Variants in GABBR2 observed in about 807,000 individuals in gnomAD.
The protein encoded by GABBR2 is gamma-aminobutyric acid type B receptor subunit 2.
Under a neutral mutation model 105.6 loss-of-function variants are expected in GABBR2, and 23 were observed. The ratio of observed to expected loss-of-function variants is 0.22; its 90% CI spans 0.16 to 0.31. GABBR2 has a LOEUF of 0.31. Among genes scored for constraint, GABBR2 ranks in the 10% least tolerant of loss-of-function variants. The pLI is 1.00. For missense variants in GABBR2, 734 were observed against 1,245.5 expected (o/e 0.59, Z 6.18); for synonymous variants, 478 against 499.7 (o/e 0.96, Z 0.58).
intron 4 of GABBR2, among the ~76,000 whole-genome samples, chr9:98,483,943 CAT>C (rs1171247636): frequency 2.6e-5 from 4 of 152,212 alleles, no homozygotes; most frequent in Admixed American, 6.5e-5. Context: ...GGGCGCTACA[CAT>C]ATGTCAACAA....
intron 7 of GABBR2, among the ~76,000 whole-genome samples, chr9:98,421,415 AG>A (rs1832780894): frequency 6.6e-6 from 1 of 152,246 alleles, no homozygotes; most frequent in Admixed American, 6.5e-5. Context: ...CTATTCCATT[AG>A]TAAGGAACTG....
At chr9:98,351,330 T>C (rs183925114) in intron 13 of GABBR2, among the ~76,000 whole-genome samples, 2 of 152,354 alleles carry the variant, frequency 1.3e-5, no homozygotes, top group East Asian at 3.9e-4. Context: ...TCCTCTTTTA[T>C]TATTTACCTT....
chr9:98,407,533 G>C (rs182454843), intron 7 of GABBR2, among the ~76,000 whole-genome samples: 1 of 152,116 alleles, frequency 6.6e-6, no homozygotes, highest in African/African-American at 2.4e-5. Context: ...TTTTTATTTC[G>C]AGGGACAATT....
At chr9:98,576,180 T>A (rs1828904957) in intron 2 of GABBR2, among the ~76,000 whole-genome samples, 1 of 152,192 alleles carries the variant, frequency 6.6e-6, no homozygotes, top group African/African-American at 2.4e-5. Context: ...CCTCAGCCAG[T>A]GCAAGTGGAA....
intron 1 of GABBR2, among the ~76,000 whole-genome samples, chr9:98,604,246 C>A (rs907201282): frequency 3.9e-5 from 6 of 152,214 alleles, no homozygotes; most frequent in Admixed American, 2.0e-4. Context: ...ATTTTCCTGC[C>A]AAGGAGCTTT....
At position 98,318,757 on chromosome 9, in the gene GABBR2, A is replaced by G. The variant is rs201660553; in HGVS notation, c.1894-7552T>C. Among the ~76,000 whole-genome samples the G allele has an allele frequency of 4.6e-5, 7 of 152,296 alleles. No homozygotes were observed. In the East Asian group the frequency reaches 1.4e-3, roughly 29 times the overall value. On this transcript the variant is annotated intron_variant, in intron 13 of 18. Transcript: ENST00000259455. ...TTCTGACCAGCTCCCAGAAGTTGGCATGCAGAACTTTCTCCCTGGGCCATA... is the reference window on the plus strand; with the variant it reads ...TTCTGACCAGCTCCCAGAAGTTGGCGTGCAGAACTTTCTCCCTGGGCCATA...
At chr9:98,401,655 G>T (rs1432340615) in intron 8 of GABBR2, among the ~76,000 whole-genome samples, 1 of 152,152 alleles carries the variant, frequency 6.6e-6, no homozygotes, top group African/African-American at 2.4e-5. Flanking sequence ...GGCCTTTCCA[G>T]ACCCATGACT....
chr9:98,651,358 G>C (rs1194736125), intron 1 of GABBR2, among the ~76,000 whole-genome samples: 1 of 151,922 alleles, frequency 6.6e-6, no homozygotes, highest in East Asian at 1.9e-4. Flanking sequence ...TGGCCAGGCT[G>C]GTCTTGAACT....
chr9:98,410,216 C>T (rs1388212378), intron 7 of GABBR2, among the ~76,000 whole-genome samples: 7 of 151,960 alleles, frequency 4.6e-5, no homozygotes, highest in Admixed American at 4.6e-4. Context: ...CTTAAGCTTT[C>T]GTCTTGTGCA....
chr9:98,648,120 G>GTGTGT (rs1564140811), intron 1 of GABBR2, among the ~76,000 whole-genome samples: 62 of 39,924 alleles, frequency 1.6e-3, no homozygotes, highest in African/African-American at 4.0e-3. Flanking sequence ...TGTGTGTATA[G>GTGTGT]ATAGATAGAT....
At chr9:98,511,876 A>T (rs1382889266) in intron 3 of GABBR2, among the ~76,000 whole-genome samples, 1 of 152,214 alleles carries the variant, frequency 6.6e-6, no homozygotes, top group Non-Finnish European at 1.5e-5. Flanking sequence ...CAATCAATAG[A>T]AAAAGAGGGA....
chr9:98,330,529 C>T (rs140273013), intron 13 of GABBR2, among the ~76,000 whole-genome samples: 18 of 152,266 alleles, frequency 1.2e-4, no homozygotes, highest in South Asian at 8.3e-4. Flanking sequence ...TACTTGCAAC[C>T]GACAACATCT....
At chr9:98,339,788 C>A (rs1232681763) in intron 13 of GABBR2, among the ~76,000 whole-genome samples, 1 of 152,232 alleles carries the variant, frequency 6.6e-6, no homozygotes, top group South Asian at 2.1e-4. Flanking sequence ...CTCCCTCCCC[C>A]TGTATTCTCA....
At chr9:98,419,508 T>C (rs1287182919) in intron 7 of GABBR2, among the ~76,000 whole-genome samples, 1 of 152,202 alleles carries the variant, frequency 6.6e-6, no homozygotes, top group African/African-American at 2.4e-5. Context: ...ATTTTCCTCC[T>C]GAGGACAGGA....
chr9:98,524,878 C>T (rs1027712510), intron 3 of GABBR2, among the ~76,000 whole-genome samples: 1 of 151,914 alleles, frequency 6.6e-6, no homozygotes, highest in African/African-American at 2.4e-5. Flanking sequence ...AATGGTCAGT[C>T]GATTTCAACA....
intron 7 of GABBR2, among the ~76,000 whole-genome samples, chr9:98,438,809 G>T (rs562076559): frequency 6.8e-4 from 103 of 152,222 alleles, no homozygotes; most frequent in African/African-American, 2.3e-3. Flanking sequence ...TGCGTAAAAA[G>T]CACAGTACTG....
At chr9:98,397,897 C>T (rs1023826170) in intron 8 of GABBR2, among the ~76,000 whole-genome samples, 7 of 152,166 alleles carry the variant, frequency 4.6e-5, no homozygotes, top group African/African-American at 7.2e-5. Context: ...AAGGTCTCAT[C>T]CCCTGCACTC....
At position 98,652,767 on chromosome 9, in the gene GABBR2, CACCAGGTGGCCTT is replaced by C. The variant is rs1830127342; in HGVS notation, c.321+55637_321+55649del. ...AGGCACTACAGGTGAGAAGAGCTGG[CACCAGGTGGCCTT>C]ACCAGGTGGCCACCAGAGGGGCTCT... On this transcript the variant is annotated intron_variant, in intron 1 of 18. Coordinates refer to ENST00000259455, the MANE Select transcript of GABBR2 (RefSeq NM_005458.8). Among the ~76,000 whole-genome samples the C allele has an allele frequency of 3.3e-5, 5 of 152,348 alleles. No individual in the cohort carries two copies. In the South Asian group the frequency reaches 1.0e-3, roughly 32 times the overall value.
At chr9:98,685,176 C>G (rs982289136) in intron 1 of GABBR2, among the ~76,000 whole-genome samples, 2 of 152,236 alleles carry the variant, frequency 1.3e-5, no homozygotes, top group African/African-American at 4.8e-5. Context: ...ATCTGTCTCC[C>G]GTGCCGGATG....
Sources: allele counts gnomAD v4.1 joint callset (sites outside exome capture counted in the v4.1 genomes callset), GRCh38; gene constraint gnomAD v4.1.1; transcripts MANE v1.5; gene names NCBI Gene and HGNC (gene_info 2026-07-23, HGNC 2026-07-21).